The following AUTS2 variants were observed in gnomAD, a reference collection of about 807,000 sequenced individuals.
AUTS2 encodes autism susceptibility gene 2 protein.
Under a neutral mutation model 112.4 loss-of-function variants are expected in AUTS2, and 17 were observed. That is an observed-to-expected ratio of 0.15 (90% CI 0.10 to 0.23). The LOEUF (loss-of-function observed/expected upper bound fraction) is 0.23, where lower values mean the gene tolerates loss of function less well. Ranked by LOEUF, AUTS2 falls within the 10% of genes least tolerant of loss-of-function variation. The probability of loss-of-function intolerance (pLI) is 1.00; values close to 1 mark genes in which losing one functional copy is unlikely to be tolerated. For synonymous variants in AUTS2, 751 were observed against 702.7 expected (o/e 1.07, Z -1.09); for missense variants, 1,510 against 1,701.6 (o/e 0.89, Z 1.98).
intron 4 of AUTS2, among the ~76,000 whole-genome samples, chr7:70,413,667 TG>T (rs935153610): frequency 6.6e-6 from 1 of 151,618 alleles, no homozygotes; most frequent in African/African-American, 2.4e-5. Context: ...TTTCTTTTCT[TG>T]TTTTGTTTTG....
chr7:69,782,859 T>C (rs1789200846), intron 1 of AUTS2, among the ~76,000 whole-genome samples: 1 of 152,174 alleles, frequency 6.6e-6, no homozygotes, highest in Admixed American at 6.5e-5. Context: ...GTTGAGTCCC[T>C]AGGAATTATT....
chr7:70,543,020 A>G (rs2129506045), intron 5 of AUTS2, among the ~76,000 whole-genome samples: 1 of 152,252 alleles, frequency 6.6e-6, no homozygotes, highest in South Asian at 2.1e-4. Flanking sequence ...CATTTTTCTG[A>G]CACTCTCTAG....
chr7:69,714,555 A>G (rs903886003), intron 1 of AUTS2, among the ~76,000 whole-genome samples: 1 of 152,076 alleles, frequency 6.6e-6, no homozygotes, highest in African/African-American at 2.4e-5. Context: ...ATTCTGTTCC[A>G]TTGGTCAGTG....
chr7:70,728,707 C>CAAAAA (rs55878540), intron 6 of AUTS2, among the ~76,000 whole-genome samples: 17 of 81,606 alleles, frequency 2.1e-4, no homozygotes, highest in African/African-American at 5.4e-4. Flanking sequence ...GACTCTGTCT[C>CAAAAA]AAAAAAAAAA....
intron 1 of AUTS2, among the ~76,000 whole-genome samples, chr7:69,601,069 G>A (rs1792380009): frequency 6.6e-6 from 1 of 152,122 alleles, no homozygotes; most frequent in East Asian, 1.9e-4. Flanking sequence ...CTTTGGTGTG[G>A]TATTGGTCAT....
chr7:70,505,130 C>T (rs1294598264), intron 5 of AUTS2, among the ~76,000 whole-genome samples: 1 of 152,154 alleles, frequency 6.6e-6, no homozygotes, highest in Non-Finnish European at 1.5e-5. Flanking sequence ...CCCTGAGCCT[C>T]CATCCACTCA....
chr7:69,955,328 A>G (rs1340966199), intron 2 of AUTS2, among the ~76,000 whole-genome samples: 1 of 152,084 alleles, frequency 6.6e-6, no homozygotes, highest in Non-Finnish European at 1.5e-5. Context: ...GCCTTCTCCT[A>G]TGCTTATCTT....
At chr7:69,727,066 G>A (rs377729691) in intron 1 of AUTS2, among the ~76,000 whole-genome samples, 5 of 152,044 alleles carry the variant, frequency 3.3e-5, no homozygotes, top group African/African-American at 1.2e-4. Flanking sequence ...TGTGTCTTTT[G>A]TATCCTCACT....
intron 4 of AUTS2, among the ~76,000 whole-genome samples, chr7:70,331,265 G>C (rs1790731453): frequency 6.6e-6 from 1 of 152,162 alleles, no homozygotes; most frequent in South Asian, 2.1e-4. Flanking sequence ...CTTCTTCCTG[G>C]TTTAGTCTTA....
intron 5 of AUTS2, among the ~76,000 whole-genome samples, chr7:70,531,026 T>G (rs1800062129): frequency 6.6e-6 from 1 of 152,194 alleles, no homozygotes; most frequent in African/African-American, 2.4e-5. Flanking sequence ...TGCAACAGAC[T>G]TGAGCAGCTG....
intron 5 of AUTS2, among the ~76,000 whole-genome samples, chr7:70,439,769 A>T (rs1158332935): frequency 1.3e-5 from 2 of 152,164 alleles, no homozygotes; most frequent in Non-Finnish European, 2.9e-5. Flanking sequence ...TATTTGGCCT[A>T]TATTTTATTG....
intron 2 of AUTS2, among the ~76,000 whole-genome samples, chr7:70,048,150 GT>G (rs1009876373): frequency 3.9e-5 from 6 of 152,240 alleles, no homozygotes; most frequent in South Asian, 2.1e-4. Flanking sequence ...GCCCTTTAGG[GT>G]TTTTTTCTGT....
At chr7:70,778,450 G>C (rs1239068316) in intron 14 of AUTS2, among the ~76,000 whole-genome samples, 2 of 151,944 alleles carry the variant, frequency 1.3e-5, no homozygotes, top group South Asian at 2.1e-4. Flanking sequence ...TTTTTAAAAG[G>C]GTTACGTGAT....
intron 2 of AUTS2, among the ~76,000 whole-genome samples, chr7:70,021,632 G>A (rs1322140569): frequency 6.6e-6 from 1 of 152,190 alleles, no homozygotes; most frequent in Non-Finnish European, 1.5e-5. Context: ...AGATAAGAGA[G>A]GTTATTTCGT....
rs919517256 is a variant in AUTS2, at chr7:70,430,298, G to A, written c.661-5454G>A. On this transcript the variant is annotated intron_variant, in intron 4 of 18. Coordinates refer to ENST00000342771, the MANE Select transcript of AUTS2 (RefSeq NM_015570.4). ...AGCAAAGATGTTGAGTCCAGATTTA[G>A]ATGGATACTTGAGTCTGAGTGTTCG... Among the ~76,000 whole-genome samples, 3 of 152,190 alleles carry A rather than the reference G, an allele frequency of 2.0e-5. No individual in the cohort carries two copies. In the East Asian group the frequency reaches 5.8e-4, roughly 29 times the overall value.
At chr7:69,762,944 T>C (rs1453536673) in intron 1 of AUTS2, among the ~76,000 whole-genome samples, 1 of 152,150 alleles carries the variant, frequency 6.6e-6, no homozygotes, top group Non-Finnish European at 1.5e-5. Flanking sequence ...TTTGTTTGTG[T>C]GAAATCATAA....
intron 5 of AUTS2, among the ~76,000 whole-genome samples, chr7:70,663,441 G>T (rs1807176077): frequency 6.6e-6 from 1 of 152,162 alleles, no homozygotes; most frequent in South Asian, 2.1e-4. Context: ...TATAGCAAGT[G>T]GAGCCCCACA....
At chr7:70,745,113 T>C (rs184293850) in intron 6 of AUTS2, among the ~76,000 whole-genome samples, 10 of 152,318 alleles carry the variant, frequency 6.6e-5, no homozygotes, top group African/African-American at 2.4e-4. Flanking sequence ...CGTTTCTGTA[T>C]TGTATCATCT....
intron 5 of AUTS2, among the ~76,000 whole-genome samples, chr7:70,504,115 G>T (rs374218064): frequency 6.7e-5 from 10 of 149,176 alleles, no homozygotes; most frequent in African/African-American, 9.7e-5. Flanking sequence ...CTCATCTGTC[G>T]TCTTGCAGGC....
Sources: allele counts gnomAD v4.1 joint callset (sites outside exome capture counted in the v4.1 genomes callset), GRCh38; gene constraint gnomAD v4.1.1; transcripts MANE v1.5; gene names NCBI Gene and HGNC (gene_info 2026-07-23, HGNC 2026-07-21).